CALD1: variants seen among roughly 807,000 people sequenced by gnomAD.
The protein encoded by CALD1 is caldesmon 1, also known as caldesmon.
CALD1 carries 33 observed loss-of-function variants against 99.9 expected under a neutral mutation model. The ratio of observed to expected loss-of-function variants is 0.33; its 90% CI spans 0.25 to 0.44. The LOEUF (loss-of-function observed/expected upper bound fraction) is 0.44. Ranked by LOEUF, CALD1 falls within the 20% of genes least tolerant of loss-of-function variation. CALD1 has a pLI of 1.00. For missense variants in CALD1, 861 were observed against 962.1 expected, an observed-to-expected ratio of 0.89 and a Z score of 1.39; for synonymous variants, 310 against 325.0, an observed-to-expected ratio of 0.95 and a Z score of 0.50.
intron 1 of CALD1, among the ~76,000 whole-genome samples, chr7:134,789,031 T>TAAAAAAAA (rs35315682): frequency 8.6e-6 from 1 of 116,822 alleles, no homozygotes; most frequent in Non-Finnish European, 1.7e-5. Context: ...AAACAAAAAG[T>TAAAAAAAA]AAAAAAAAAA....
At chr7:134,801,758 A>G (rs1797950548) in intron 1 of CALD1, among the ~76,000 whole-genome samples, 1 of 150,618 alleles carries the variant, frequency 6.6e-6, no homozygotes, top group South Asian at 2.1e-4. Flanking sequence ...AGCTGGGACT[A>G]CAGGCACTCA....
intron 1 of CALD1, among the ~76,000 whole-genome samples, chr7:134,838,902 A>T (rs1799543747): frequency 6.6e-6 from 1 of 152,190 alleles, no homozygotes; most frequent in African/African-American, 2.4e-5. Flanking sequence ...ATCTTTTTCT[A>T]TTCACATGTT....
At chr7:134,746,563 T>A (rs551928436) in intron 1 of CALD1, among the ~76,000 whole-genome samples, 3 of 152,152 alleles carry the variant, frequency 2.0e-5, no homozygotes, top group Non-Finnish European at 4.4e-5. Context: ...AGTTTTGAGG[T>A]GCATGCTAGA....
intron 3 of CALD1, among the ~76,000 whole-genome samples, chr7:134,927,183 A>G (rs1208697999): frequency 6.6e-6 from 1 of 152,130 alleles, no homozygotes; most frequent in Non-Finnish European, 1.5e-5. Flanking sequence ...CAAAATAGCT[A>G]TTTCCTCTTG....
intron 3 of CALD1, among the ~76,000 whole-genome samples, chr7:134,898,919 A>G (rs1802774822): frequency 1.3e-5 from 2 of 152,188 alleles, no homozygotes; most frequent in Admixed American, 6.5e-5. Flanking sequence ...TCATGAACCT[A>G]TTTGTAAAGG....
chr7:134,901,586 T>C (rs1803003737), intron 3 of CALD1, among the ~76,000 whole-genome samples: 1 of 152,120 alleles, frequency 6.6e-6, no homozygotes, highest in East Asian at 1.9e-4. Context: ...TACAAAGTAC[T>C]ATGAGCCGGG....
intron 6 of CALD1, among the ~76,000 whole-genome samples, chr7:134,937,034 G>A (rs1806036670): frequency 6.6e-6 from 1 of 152,146 alleles, no homozygotes; most frequent in Non-Finnish European, 1.5e-5. Flanking sequence ...TCAGAAATAT[G>A]TCCCACATGG....
chr7:134,751,834 G>A (rs780561811), intron 1 of CALD1, among the ~76,000 whole-genome samples: 3 of 152,056 alleles, frequency 2.0e-5, no homozygotes, highest in East Asian at 1.9e-4. Context: ...AAAATTAGGC[G>A]GGTGTGGTGG....
At position 134,958,267 on chromosome 7, in the gene CALD1, G is replaced by A. The variant is rs1052350216; in HGVS notation, c.2038G>A (p.Glu680Lys). The A allele has an allele frequency of 5.6e-6, 9 of 1,613,882 alleles. No homozygotes were observed. Among genetic ancestry groups the A allele is most frequent in the Non-Finnish European group, 7.6e-6 (9 of 1,179,970 alleles). Residue 680 changes from glutamate (E) to lysine (K), a missense_variant, in exon 11 of 15, where the codon GAG becomes AAG. Transcript: ENST00000361675. ...AIVSKIDSRL[E>K]QYTSAIEGTK... The stretch of plus-strand genomic sequence containing the variant: ...AGTCTCCAAGATTGACAGCAGACTG[G>A]AGCAGTATACCAGTGCAATTGAGGT...
intron 3 of CALD1, among the ~76,000 whole-genome samples, chr7:134,910,159 T>C (rs1803693673): frequency 6.6e-6 from 1 of 152,220 alleles, no homozygotes; most frequent in African/African-American, 2.4e-5. Flanking sequence ...GATTAAGATG[T>C]CTGGAACTAA....
At chr7:134,841,621 C>T (rs955040167) in intron 1 of CALD1, among the ~76,000 whole-genome samples, 27 of 152,212 alleles carry the variant, frequency 1.8e-4, no homozygotes, top group Non-Finnish European at 2.6e-4. Flanking sequence ...AGTGGGGAAC[C>T]TCCATCCCTC....
intron 1 of CALD1, among the ~76,000 whole-genome samples, chr7:134,837,815 G>A (rs554556736): frequency 7.2e-5 from 11 of 152,306 alleles, no homozygotes; most frequent in African/African-American, 2.4e-4. Context: ...ACCCTTCAGC[G>A]TAGTAATTAC....
At position 134,849,045 on chromosome 7, in the gene CALD1, C is replaced by T. The variant is rs1320283958; in HGVS notation, c.-42+5074C>T. Among the ~76,000 whole-genome samples the T allele has an allele frequency of 3.8e-4, 58 of 151,984 alleles. 1 individual carries two copies. The highest frequency in any genetic ancestry group is 7.4e-5 in the Non-Finnish European group (5 of 67,994). ...AAATGGGCTTTTTTTTAATTAAATG[C>T]AATGGAAAATTTTGTGAATCCAATG... On this transcript the variant is annotated intron_variant, in intron 2 of 14. Coordinates refer to ENST00000361675, the MANE Select transcript of CALD1 (RefSeq NM_033138.4).
chr7:134,890,176 A>C (rs1320878700), intron 3 of CALD1, among the ~76,000 whole-genome samples: 1 of 152,214 alleles, frequency 6.6e-6, no homozygotes, highest in Non-Finnish European at 1.5e-5. Context: ...GAGTGCTGGG[A>C]TTACAGGCAT....
intron 1 of CALD1, among the ~76,000 whole-genome samples, chr7:134,752,194 T>C (rs772297108): frequency 2.6e-5 from 4 of 152,312 alleles, no homozygotes; most frequent in Non-Finnish European, 5.9e-5. Flanking sequence ...ATGAATCATC[T>C]TGGGGGTGTG....
At chr7:134,745,680 T>C (rs1301435807) in intron 1 of CALD1, 5 of 152,300 alleles carry the variant, frequency 3.3e-5, no homozygotes, top group Non-Finnish European at 5.9e-5. Context: ...CTCTGATAAA[T>C]TTTCCCTGGC....
chr7:134,713,576 T>A, the CALD1 span, among the ~76,000 whole-genome samples: 5,408 of 152,280 alleles, frequency 0.036, 285 homozygotes, highest in African/African-American at 0.1. Context: ...AACATTTTTT[T>A]AAATTGAATT....
chr7:134,735,522 A>G, the CALD1 span, among the ~76,000 whole-genome samples: 1 of 151,714 alleles, frequency 6.6e-6, no homozygotes, highest in Non-Finnish European at 1.5e-5. Flanking sequence ...AAACACTCCT[A>G]CAGGAATGCT....
chr7:134,912,100 G>C (rs1179385150), intron 3 of CALD1, among the ~76,000 whole-genome samples: 3 of 152,064 alleles, frequency 2.0e-5, no homozygotes, highest in Non-Finnish European at 4.4e-5. Context: ...GAAGTTGAAA[G>C]AAAAAGAAAG....
Sources: gnomAD v4.1 joint callset for allele counts (sites outside exome capture counted in the v4.1 genomes callset) on GRCh38, gnomAD v4.1.1 for gene constraint, MANE v1.5 for transcripts, NCBI Gene and HGNC (gene_info 2026-07-23, HGNC 2026-07-21) for gene names.